The following SEMA3D variants were observed in gnomAD, a reference collection of about 807,000 sequenced individuals.
SEMA3D encodes the protein semaphorin-3D.
A neutral mutation model predicts 100.1 loss-of-function variants in SEMA3D; 84 were observed. The observed-to-expected ratio is 0.84, with a 90% CI of 0.70 to 1.01. The LOEUF (loss-of-function observed/expected upper bound fraction) is 1.01. Among genes scored for constraint, SEMA3D ranks in the 50% least tolerant of loss-of-function variants. The pLI, the probability that SEMA3D is intolerant of heterozygous loss-of-function variation, is 0.00. For synonymous variants in SEMA3D, 312 were observed against 320.7 expected, an observed-to-expected ratio of 0.97 and a Z score of 0.29; for missense variants, 875 against 934.1, an observed-to-expected ratio of 0.94 and a Z score of 0.82.
chr7:85,069,092 A>C (rs1791703562), intron 6 of SEMA3D, among the ~76,000 whole-genome samples: 1 of 152,132 alleles, frequency 6.6e-6, no homozygotes, highest in Non-Finnish European at 1.5e-5. Flanking sequence ...AAGGATGATG[A>C]CTCACTCTGT....
chr7:85,041,032 A>G, intron 10 of SEMA3D: 1 of 197,470 alleles, frequency 5.1e-6, no homozygotes, highest in South Asian at 1.2e-4. Context: ...ATTCTGTCCT[A>G]TAATTGTGTC....
chr7:85,198,463 T>C, the SEMA3D span, among the ~76,000 whole-genome samples: 2 of 151,988 alleles, frequency 1.3e-5, no homozygotes, highest in African/African-American at 4.8e-5. Context: ...ATAATTGAGA[T>C]TAGCTTGGTT....
chr7:85,119,930 A>C (rs1789360208), intron 3 of SEMA3D, among the ~76,000 whole-genome samples: 1 of 151,558 alleles, frequency 6.6e-6, no homozygotes, highest in Non-Finnish European at 1.5e-5. Flanking sequence ...GTTTGCCCCA[A>C]ACCCTTTCCG....
At position 85,124,564 on chromosome 7, in the gene SEMA3D, C is replaced by T. The variant is rs192216196; in HGVS notation, c.-40-2633G>A. ...ATTTAAAATGGAGACATTTATGATA[C>T]GCTATGCAAGATAACTCAAAGGAGT... On this transcript the variant is annotated intron_variant, in intron 2 of 18. Transcript: ENST00000284136. Among the ~76,000 whole-genome samples, 38 of 151,840 alleles carry T rather than the reference C, an allele frequency of 2.5e-4. 1 individual carries two copies. The highest frequency in any genetic ancestry group is 6.3e-4 in the African/African-American group (26 of 41,412).
the SEMA3D span, among the ~76,000 whole-genome samples, chr7:85,198,469 T>C: frequency 6.6e-6 from 1 of 152,016 alleles, no homozygotes; most frequent in African/African-American, 2.4e-5. Context: ...GAGATTAGCT[T>C]GGTTTTAAAG....
the SEMA3D span, among the ~76,000 whole-genome samples, chr7:85,221,522 T>C: frequency 6.6e-6 from 1 of 152,114 alleles, no homozygotes; most frequent in East Asian, 1.9e-4. Flanking sequence ...TGTCAAGATG[T>C]TCTCATTTGG....
At chr7:85,182,817 G>A (rs574476658) in intron 1 of SEMA3D, among the ~76,000 whole-genome samples, 2 of 152,208 alleles carry the variant, frequency 1.3e-5, no homozygotes, top group East Asian at 3.9e-4. Flanking sequence ...ATTATGTTAT[G>A]GAGTGTTGAA....
chr7:85,144,029 AT>A (rs1790130687), intron 2 of SEMA3D, among the ~76,000 whole-genome samples: 1 of 151,954 alleles, frequency 6.6e-6, no homozygotes, highest in Non-Finnish European at 1.5e-5. Flanking sequence ...GTAATTTTAA[AT>A]TTTCTTACAG....
At chr7:85,015,297 A>C (rs1257905137) in intron 15 of SEMA3D, 81 bp from the exon 16 acceptor site, 1 of 1,325,148 alleles carries the variant, frequency 7.5e-7, no homozygotes, top group Non-Finnish European at 1.1e-6. Flanking sequence ...ATATCACATA[A>C]TACATATAAA....
At chr7:85,162,739 C>T (rs1790779638) in intron 1 of SEMA3D, among the ~76,000 whole-genome samples, 1 of 152,070 alleles carries the variant, frequency 6.6e-6, no homozygotes, top group Non-Finnish European at 1.5e-5. Flanking sequence ...TGTCAAGTTT[C>T]CAGAAACTGA....
intron 4 of SEMA3D, among the ~76,000 whole-genome samples, chr7:85,083,562 C>T (rs1327312717): frequency 5.3e-5 from 8 of 152,042 alleles, no homozygotes; most frequent in African/African-American, 1.4e-4. Context: ...AAAATTGCAT[C>T]GGCCGGGCGC....
chr7:85,183,212 T>C (rs537654629), intron 1 of SEMA3D, among the ~76,000 whole-genome samples: 2 of 152,190 alleles, frequency 1.3e-5, no homozygotes, highest in Non-Finnish European at 2.9e-5. Flanking sequence ...ACAGAGATGC[T>C]TGCCAACCCC....
At chr7:85,035,534 T>G (rs182993752) in intron 12 of SEMA3D, among the ~76,000 whole-genome samples, 1 of 151,874 alleles carries the variant, frequency 6.6e-6, no homozygotes, top group Admixed American at 6.6e-5. Flanking sequence ...TCTATAATAG[T>G]CAAAATAATA....
Position 85,022,380 on chromosome 7 carries a change from T to A in SEMA3D, c.1414+11A>T, listed in dbSNP as rs758542456. ...TCCTTTTGAAAAAATCCTAATCTAG[T>A]TTTAGCTTACCTGTTCCAAGAAACA... On this transcript the variant is annotated intron_variant, in intron 13 of 18. Coordinates refer to ENST00000284136, the MANE Select transcript of SEMA3D (RefSeq NM_001384900.1). 1 of 1,594,674 alleles carries A rather than the reference T, an allele frequency of 6.3e-7. No homozygotes were observed. Among genetic ancestry groups the A allele is most frequent in the Non-Finnish European group, 8.6e-7 (1 of 1,163,364 alleles).
chr7:85,102,964 C>T (rs1444839011), intron 3 of SEMA3D, among the ~76,000 whole-genome samples: 1 of 151,964 alleles, frequency 6.6e-6, no homozygotes, highest in Non-Finnish European at 1.5e-5. Flanking sequence ...TTAACATTGC[C>T]CTGTGACAAT....
At chr7:85,163,376 C>T (rs2116523380) in intron 1 of SEMA3D, among the ~76,000 whole-genome samples, 1 of 152,000 alleles carries the variant, frequency 6.6e-6, no homozygotes, top group Non-Finnish European at 1.5e-5. Flanking sequence ...CAGTGCTTGT[C>T]ACCAGAGTGA....
intron 1 of SEMA3D, among the ~76,000 whole-genome samples, chr7:85,174,013 G>T (rs781447160): frequency 6.6e-6 from 1 of 152,134 alleles, no homozygotes; most frequent in Non-Finnish European, 1.5e-5. Context: ...CTAATCTCAG[G>T]TGTCGAGCCA....
chr7:85,008,917 A>G (rs1254493213), intron 17 of SEMA3D, among the ~76,000 whole-genome samples: 2 of 151,798 alleles, frequency 1.3e-5, no homozygotes, highest in Admixed American at 1.3e-4. Flanking sequence ...TATAAGGTGT[A>G]TATGAAATAT....
At chr7:85,100,935 T>C (rs1788724207) in intron 3 of SEMA3D, among the ~76,000 whole-genome samples, 2 of 151,940 alleles carry the variant, frequency 1.3e-5, no homozygotes, top group South Asian at 4.1e-4. Context: ...CTTTGTGTAT[T>C]GGATAGAAGT....
Sources: allele counts gnomAD v4.1 joint callset (sites outside exome capture counted in the v4.1 genomes callset), GRCh38; gene constraint gnomAD v4.1.1; transcripts MANE v1.5; gene names NCBI Gene and HGNC (gene_info 2026-07-23, HGNC 2026-07-21).